The following ASTN2 variants were observed in gnomAD, a reference collection of about 807,000 sequenced individuals.
The protein encoded by ASTN2 is astrotactin-2.
A neutral mutation model predicts 139.8 loss-of-function variants in ASTN2; 54 were observed. That is an observed-to-expected ratio of 0.39 (90% CI 0.31 to 0.48). ASTN2 has a LOEUF of 0.48. ASTN2 is among the 20% of genes least tolerant of loss of function. ASTN2 has a pLI of 0.95. For missense variants in ASTN2, 1,565 were observed against 1,725.1 expected, an observed-to-expected ratio of 0.91 and a Z score of 1.64; for synonymous variants, 756 against 719.5, an observed-to-expected ratio of 1.05 and a Z score of -0.81.
At chr9:117,411,809 C>T (rs1363805220) in intron 1 of ASTN2, among the ~76,000 whole-genome samples, 2 of 152,180 alleles carry the variant, frequency 1.3e-5, no homozygotes, top group Non-Finnish European at 2.9e-5. Flanking sequence ...TCAGCTGTGG[C>T]ACTGGCCATG....
At chr9:116,893,028 A>G (rs1833800919) in intron 10 of ASTN2, among the ~76,000 whole-genome samples, 1 of 152,088 alleles carries the variant, frequency 6.6e-6, no homozygotes, top group Admixed American at 6.6e-5. Context: ...CCAAACTCCC[A>G]ACACCTAAAA....
chr9:116,812,847 C>T (rs1831203145), intron 12 of ASTN2, among the ~76,000 whole-genome samples: 3 of 151,642 alleles, frequency 2.0e-5, no homozygotes, highest in South Asian at 2.1e-4. Context: ...TTTTCTTTTC[C>T]CTGTGGGTGG....
intron 2 of ASTN2, among the ~76,000 whole-genome samples, chr9:117,285,880 C>T (rs1834437400): frequency 6.6e-6 from 1 of 152,104 alleles, no homozygotes; most frequent in African/African-American, 2.4e-5. Flanking sequence ...AGAAACATGC[C>T]CTCAAAATTC....
At chr9:116,979,296 T>A (rs1045773293) in intron 7 of ASTN2, among the ~76,000 whole-genome samples, 4 of 152,096 alleles carry the variant, frequency 2.6e-5, no homozygotes, top group African/African-American at 7.2e-5. Flanking sequence ...AGAAGACATG[T>A]CCTTTTCCTC....
chr9:117,082,416 G>C (rs1230126160), intron 5 of ASTN2, among the ~76,000 whole-genome samples: 1 of 152,128 alleles, frequency 6.6e-6, no homozygotes, highest in Non-Finnish European at 1.5e-5. Context: ...CACCCAGAGT[G>C]TTCCCATTCT....
At chr9:116,747,612 C>T (rs111282288) in intron 13 of ASTN2, among the ~76,000 whole-genome samples, 3 of 152,070 alleles carry the variant, frequency 2.0e-5, no homozygotes, top group African/African-American at 7.2e-5. Context: ...CTCCACTCTA[C>T]CACCTATCTC....
At chr9:116,822,521 G>A (rs1051079064) in intron 11 of ASTN2, among the ~76,000 whole-genome samples, 2 of 152,052 alleles carry the variant, frequency 1.3e-5, no homozygotes, top group Admixed American at 6.6e-5. Flanking sequence ...TGAGTACTGG[G>A]GCCTGGCTTC....
chr9:116,846,086 G>A (rs995546404), intron 11 of ASTN2, among the ~76,000 whole-genome samples: 1 of 152,184 alleles, frequency 6.6e-6, no homozygotes, highest in Non-Finnish European at 1.5e-5. Flanking sequence ...ATTATGCTAA[G>A]TGAAATAAGC....
chr9:116,528,835 G>C (rs893969183), intron 19 of ASTN2, among the ~76,000 whole-genome samples: 1 of 152,196 alleles, frequency 6.6e-6, no homozygotes, highest in Non-Finnish European at 1.5e-5. Flanking sequence ...CAAGCCCCAC[G>C]TCTTGGTGGC....
rs1588060355 is a variant in ASTN2 at position 116,440,661 on chromosome 9, A to G, written c.3730T>C (p.Tyr1244His). The G allele has an allele frequency of 6.2e-7, 1 of 1,614,136 alleles. No individual in the cohort carries two copies. The highest frequency in any genetic ancestry group is 2.2e-5 in the East Asian group (1 of 44,874). ...CAGACGAAGTCGCCAAACTTTTCAT[A>G]GTGAGAGTTGTAGTGGTGCTGGACT... is the stretch of plus-strand genomic sequence containing the variant. ...FRVQHHYNSHYEKFGDFVWRS... is the reference protein window; with the variant it reads ...FRVQHHYNSHHEKFGDFVWRS... Residue 1244 changes from tyrosine (Y) to histidine (H), a missense_variant, in exon 22 of 23, where the codon TAT (tyrosine) becomes CAT (histidine). Physicochemically the swap from Tyr to His is moderately conservative, Grantham distance 83 (BLOSUM62 2). Coordinates refer to ENST00000313400, the MANE Select transcript of ASTN2 (RefSeq NM_001365068.1).
At chr9:117,272,036 G>A (rs546226225) in intron 2 of ASTN2, among the ~76,000 whole-genome samples, 3 of 152,274 alleles carry the variant, frequency 2.0e-5, no homozygotes, top group East Asian at 1.9e-4. Flanking sequence ...CCAACCCCAC[G>A]TTTCTCTTCC....
At chr9:117,131,695 CAA>C (rs1287464490) in intron 4 of ASTN2, among the ~76,000 whole-genome samples, 2 of 152,182 alleles carry the variant, frequency 1.3e-5, no homozygotes, top group African/African-American at 4.8e-5. Flanking sequence ...GCATTTACTT[CAA>C]GTCTTTAGAT....
Position 116,425,643 on chromosome 9 carries a change from GAT to G in ASTN2, c.*206_*207del, listed in dbSNP as rs1179908166. The G allele has an allele frequency of 9.3e-6, 15 of 1,611,658 alleles. No individual in the cohort carries two copies. The highest frequency in any genetic ancestry group is 1.3e-5 in the Non-Finnish European group (15 of 1,179,180). On this transcript the variant is annotated 3_prime_UTR_variant, in exon 23 of 23. Transcript: ENST00000313400. ...AAATAATATCTTTGAAAAAATAAAA[GAT>G]AGAGAAAAATGAATAATTCCATTGG... is the stretch of plus-strand genomic sequence containing the variant.
Position 116,487,362 on chromosome 9 carries a change from T to C in ASTN2, c.3494A>G (p.Tyr1165Cys), listed in dbSNP as rs775179334. The change falls in exon 20 of 23, where the codon TAC (tyrosine) becomes TGC (cysteine). Residue 1165 changes from tyrosine (Y) to cysteine (C), a missense_variant. Tyr to Cys is a radical substitution (Grantham distance 194, BLOSUM62 -2). This residue lies in a region of ASTN2 where 418 missense variants were observed against 465.8 expected (regional missense o/e 0.90). Coordinates refer to ENST00000313400, the MANE Select transcript of ASTN2 (RefSeq NM_001365068.1). ...CCACACACCCAACACATCTTACTTG[T>C]AGAGACCGTCGGGCTCCAGACACTT... The part of the protein sequence containing the change: ...IFKCLEPDGL[Y>C]KFTLYAVDTR... The C allele has an allele frequency of 6.2e-7, 1 of 1,613,980 alleles. No individual in the cohort carries two copies. The highest frequency in any genetic ancestry group is 2.2e-5 in the East Asian group (1 of 44,868).
At chr9:116,884,722 G>A (rs1274242879) in intron 10 of ASTN2, among the ~76,000 whole-genome samples, 1 of 150,912 alleles carries the variant, frequency 6.6e-6, no homozygotes, top group Non-Finnish European at 1.5e-5. Context: ...GGCGTTTTTG[G>A]CTTGTAGACA....
intron 19 of ASTN2, among the ~76,000 whole-genome samples, chr9:116,509,271 T>A (rs1393075468): frequency 2.6e-5 from 4 of 152,172 alleles, no homozygotes; most frequent in Non-Finnish European, 4.4e-5. Flanking sequence ...TGGTTTTTTG[T>A]CTTTGTGATA....
At chr9:116,985,166 G>T (rs1237851484) in intron 7 of ASTN2, among the ~76,000 whole-genome samples, 1 of 152,130 alleles carries the variant, frequency 6.6e-6, no homozygotes. Flanking sequence ...CTTCACATGG[G>T]TGTCTCTGAT....
At position 116,975,177 on chromosome 9, in the gene ASTN2, C is replaced by T. The variant is rs576518242; in HGVS notation, c.1889+31G>A. ...GGGACTTCCAAGGTTTTAAGAAGTACCTATGCAGAGTACTGGAGATGATTC... is the reference window on the plus strand; with the variant it reads ...GGGACTTCCAAGGTTTTAAGAAGTATCTATGCAGAGTACTGGAGATGATTC... On this transcript the variant is annotated intron_variant, in intron 10 of 22. Transcript: ENST00000313400. 54 of 1,563,874 alleles carry T rather than the reference C, an allele frequency of 3.5e-5. No individual in the cohort carries two copies. In the South Asian group the frequency reaches 6.2e-4, roughly 18 times the overall value.
intron 19 of ASTN2, among the ~76,000 whole-genome samples, chr9:116,502,643 A>C (rs1359165308): frequency 2.6e-5 from 4 of 151,102 alleles, no homozygotes; most frequent in African/African-American, 9.7e-5. Context: ...AGAAAGACCA[A>C]GACCAAGGCA....
Sources: allele counts gnomAD v4.1 joint callset (sites outside exome capture counted in the v4.1 genomes callset), GRCh38; gene constraint gnomAD v4.1.1; regional missense constraint gnomAD v4.1.1; transcripts MANE v1.5; gene names NCBI Gene and HGNC (gene_info 2026-07-23, HGNC 2026-07-21).